Variants in KHDRBS2 observed in about 807,000 individuals in gnomAD.
The protein encoded by KHDRBS2 is KH domain-containing, RNA-binding, signal transduction-associated protein 2.
A neutral mutation model predicts 44.3 loss-of-function variants in KHDRBS2; 26 were observed. The observed-to-expected ratio is 0.59, with a 90% CI of 0.43 to 0.81. The LOEUF (loss-of-function observed/expected upper bound fraction) is 0.81, where lower values mean the gene tolerates loss of function less well. Among genes scored for constraint, KHDRBS2 ranks in the 40% least tolerant of loss-of-function variants. The probability of loss-of-function intolerance (pLI) is 0.00; values close to 1 mark genes in which losing one functional copy is unlikely to be tolerated. For synonymous variants in KHDRBS2, 194 were observed against 151.1 expected (o/e 1.28, Z -2.08); for missense variants, 476 against 433.1 (o/e 1.10, Z -0.88).
intron 4 of KHDRBS2, among the ~76,000 whole-genome samples, chr6:61,902,995 C>A (rs1254939851): frequency 1.3e-5 from 2 of 152,116 alleles, no homozygotes; most frequent in Non-Finnish European, 2.9e-5. Context: ...TTCTTCAGCA[C>A]CTGATTATAG....
chr6:61,666,433 G>T, the KHDRBS2 span, among the ~76,000 whole-genome samples: 1 of 151,258 alleles, frequency 6.6e-6, no homozygotes, highest in African/African-American at 2.4e-5. Flanking sequence ...ATGAGAATAG[G>T]TGGTGGGGGA....
chr6:61,622,611 A>G, the KHDRBS2 span, among the ~76,000 whole-genome samples: 1 of 152,296 alleles, frequency 6.6e-6, no homozygotes, highest in East Asian at 1.9e-4. Flanking sequence ...GGATAATGCA[A>G]ACTCAGCGTT....
intron 4 of KHDRBS2, among the ~76,000 whole-genome samples, chr6:61,956,570 C>T (rs1458130393): frequency 3.3e-5 from 5 of 152,040 alleles, no homozygotes; most frequent in African/African-American, 1.2e-4. Flanking sequence ...CACAGAACAC[C>T]ACCAATCTCC....
the KHDRBS2 span, among the ~76,000 whole-genome samples, chr6:61,577,203 T>C: frequency 6.6e-6 from 1 of 152,140 alleles, no homozygotes; most frequent in African/African-American, 2.4e-5. Context: ...TTCTGAAATT[T>C]ATTTGGAGTA....
At chr6:61,573,339 A>G in the KHDRBS2 span, among the ~76,000 whole-genome samples, 7 of 152,230 alleles carry the variant, frequency 4.6e-5, no homozygotes, top group Admixed American at 3.9e-4. Context: ...AAATGGAAAC[A>G]CATTCCATGC....
chr6:61,848,926 C>T (rs114953510), intron 6 of KHDRBS2, among the ~76,000 whole-genome samples: 2 of 151,880 alleles, frequency 1.3e-5, no homozygotes, highest in Non-Finnish European at 2.9e-5. Flanking sequence ...TGAATTTAAG[C>T]ATTTCGTTGC....
At chr6:62,075,989 C>T (rs951297651) in intron 2 of KHDRBS2, among the ~76,000 whole-genome samples, 1 of 151,496 alleles carries the variant, frequency 6.6e-6, no homozygotes, top group Non-Finnish European at 1.5e-5. Context: ...TGCTTTTACT[C>T]TAATTTCTAT....
At chr6:61,748,229 T>A (rs1777140468) in intron 6 of KHDRBS2, among the ~76,000 whole-genome samples, 1 of 152,182 alleles carries the variant, frequency 6.6e-6, no homozygotes, top group Non-Finnish European at 1.5e-5. Context: ...GACCTCATGA[T>A]CCGCCTGCCT....
chr6:62,257,751 C>T (rs1228195574), intron 1 of KHDRBS2, among the ~76,000 whole-genome samples: 1 of 151,956 alleles, frequency 6.6e-6, no homozygotes, highest in Admixed American at 6.6e-5. Flanking sequence ...GAGTTTTAAA[C>T]CTATCACTCA....
intron 2 of KHDRBS2, among the ~76,000 whole-genome samples, chr6:62,092,867 C>G (rs1172309012): frequency 6.6e-6 from 1 of 152,004 alleles, no homozygotes; most frequent in Non-Finnish European, 1.5e-5. Flanking sequence ...GGAACATCCA[C>G]CCATTAGCCC....
chr6:61,544,728 C>A, the KHDRBS2 span, among the ~76,000 whole-genome samples: 1 of 152,056 alleles, frequency 6.6e-6, no homozygotes, highest in Admixed American at 6.6e-5. Context: ...GGCACATATA[C>A]ACCATGGAAT....
intron 2 of KHDRBS2, among the ~76,000 whole-genome samples, chr6:62,087,676 T>C (rs144961845): frequency 1.3e-5 from 2 of 152,220 alleles, no homozygotes; most frequent in East Asian, 1.9e-4. Flanking sequence ...TGTCTTGAGG[T>C]TGCACTTTTT....
intron 4 of KHDRBS2, among the ~76,000 whole-genome samples, chr6:61,939,387 T>C (rs885171): frequency 0.4 from 60,161 of 152,040 alleles, 12,062 homozygotes; most frequent in East Asian, 0.47. Context: ...ATTATTTTTA[T>C]GGTTATTTTT....
chr6:62,156,128 G>A, intron 2 of KHDRBS2, among the ~76,000 whole-genome samples: 1 of 152,126 alleles, frequency 6.6e-6, no homozygotes, highest in East Asian at 1.9e-4. Context: ...AAGGATCTTA[G>A]CAATGCCATC....
chr6:62,161,576 G>T (rs1279475286), intron 2 of KHDRBS2, among the ~76,000 whole-genome samples: 9 of 119,566 alleles, frequency 7.5e-5, no homozygotes, highest in African/African-American at 2.9e-4. Flanking sequence ...GTATTTGCGG[G>T]GGGGGGGGGG....
At chr6:61,561,844 A>T in the KHDRBS2 span, among the ~76,000 whole-genome samples, 2 of 152,074 alleles carry the variant, frequency 1.3e-5, no homozygotes, top group Non-Finnish European at 2.9e-5. Flanking sequence ...TTTGGTCTTC[A>T]TTTTATGCAA....
chr6:62,183,553 T>TA (rs1563019854), intron 1 of KHDRBS2, among the ~76,000 whole-genome samples: 1 of 151,590 alleles, frequency 6.6e-6, no homozygotes, highest in Admixed American at 6.6e-5. Context: ...AAATTTACAA[T>TA]ATGTGCAAAA....
intron 1 of KHDRBS2, among the ~76,000 whole-genome samples, chr6:62,265,848 C>A (rs937085109): frequency 1.3e-5 from 2 of 152,042 alleles, no homozygotes; most frequent in Non-Finnish European, 2.9e-5. Context: ...TGAATACAAA[C>A]ATACTATTTG....
intron 1 of KHDRBS2, among the ~76,000 whole-genome samples, chr6:62,208,219 A>AC (rs1563065634): frequency 6.6e-6 from 1 of 151,946 alleles, no homozygotes; most frequent in Non-Finnish European, 1.5e-5. Flanking sequence ...ATATCTACAA[A>AC]TTTTTTTCTT....
Sources: gnomAD v4.1 joint callset for allele counts (sites outside exome capture counted in the v4.1 genomes callset) on GRCh38, gnomAD v4.1.1 for gene constraint, MANE v1.5 for transcripts, NCBI Gene and HGNC (gene_info 2026-07-23, HGNC 2026-07-21) for gene names.